Variants in REV1 observed in about 807,000 individuals in gnomAD.
REV1 encodes REV1 DNA directed polymerase.
Under a neutral mutation model 137.4 loss-of-function variants are expected in REV1, and 42 were observed. The observed-to-expected ratio is 0.31, with a 90% CI of 0.24 to 0.40. REV1 has a LOEUF of 0.40. Among genes scored for constraint, REV1 ranks in the 10% least tolerant of loss-of-function variants. The probability of loss-of-function intolerance (pLI) is 1.00; values close to 1 mark genes in which losing one functional copy is unlikely to be tolerated. For missense variants in REV1, 1,282 were observed against 1,490.1 expected (o/e 0.86, Z 2.30); for synonymous variants, 524 against 519.2 (o/e 1.01, Z -0.12).
At chr2:99,463,475 G>T (rs145115153) in intron 2 of REV1, among the ~76,000 whole-genome samples, 13 of 152,138 alleles carry the variant, frequency 8.5e-5, no homozygotes, top group Non-Finnish European at 1.8e-4. Context: ...AGCTGAGATC[G>T]TGCTATTGCA....
At chr2:99,420,708 C>T (rs1490418877) in intron 11 of REV1, among the ~76,000 whole-genome samples, 1 of 152,156 alleles carries the variant, frequency 6.6e-6, no homozygotes, top group Admixed American at 6.5e-5. Flanking sequence ...ACAAAGGAGA[C>T]AGGGAACTTT....
intron 3 of REV1, among the ~76,000 whole-genome samples, chr2:99,458,271 A>G (rs1683753016): frequency 6.6e-6 from 1 of 152,242 alleles, no homozygotes; most frequent in Admixed American, 6.5e-5. Context: ...CAATTAGAAA[A>G]TGAGGAAAAA....
At chr2:99,476,869 T>C (rs916177534) in intron 1 of REV1, among the ~76,000 whole-genome samples, 1 of 152,224 alleles carries the variant, frequency 6.6e-6, no homozygotes, top group Non-Finnish European at 1.5e-5. Flanking sequence ...TGGCAGAGGA[T>C]AACTGGAAGT....
intron 3 of REV1, among the ~76,000 whole-genome samples, chr2:99,457,931 C>T (rs1342663535): frequency 6.8e-6 from 1 of 147,738 alleles, no homozygotes; most frequent in East Asian, 2.0e-4. Context: ...ACTGGAAATC[C>T]ACAAATAAAA....
intron 13 of REV1, among the ~76,000 whole-genome samples, chr2:99,411,437 A>G (rs1311438360): frequency 4.2e-5 from 6 of 143,996 alleles, no homozygotes; most frequent in Non-Finnish European, 9.1e-5. Flanking sequence ...AGACAGTCTC[A>G]TTCTTGTCCC....
At chr2:99,406,515 C>A (rs1486406116) in intron 15 of REV1, 25 bp from the exon 16 acceptor site, 2 of 1,530,766 alleles carry the variant, frequency 1.3e-6, no homozygotes, top group Non-Finnish European at 1.8e-6. Flanking sequence ...AAAGAGTATG[C>A]TTCTAGGAAA....
At chr2:99,435,237 T>C (rs915263207) in intron 7 of REV1, among the ~76,000 whole-genome samples, 3 of 152,138 alleles carry the variant, frequency 2.0e-5, no homozygotes, top group African/African-American at 4.8e-5. Context: ...AAGGGAAGAA[T>C]TGATTCTCAG....
chr2:99,475,215 T>G (rs929158481), intron 1 of REV1, among the ~76,000 whole-genome samples: 1 of 152,246 alleles, frequency 6.6e-6, no homozygotes, highest in African/African-American at 2.4e-5. Context: ...CATACTGCTG[T>G]GTCTGGTTTC....
At chr2:99,409,264 C>G (rs1401592922) in intron 14 of REV1, among the ~76,000 whole-genome samples, 1 of 152,078 alleles carries the variant, frequency 6.6e-6, no homozygotes, top group East Asian at 1.9e-4. Context: ...ATTTATAATT[C>G]CTGCTTTCAT....
chr2:99,471,285 C>T (rs866542620), intron 1 of REV1, among the ~76,000 whole-genome samples: 70 of 152,196 alleles, frequency 4.6e-4, no homozygotes, highest in African/African-American at 1.5e-3. Context: ...AAGGTATGAT[C>T]CAACCCAGGG....
chr2:99,426,825 G>A (rs904151700), intron 9 of REV1, among the ~76,000 whole-genome samples: 2 of 152,150 alleles, frequency 1.3e-5, no homozygotes, highest in Non-Finnish European at 2.9e-5. Flanking sequence ...AAGCACAGAG[G>A]ACATATTCTG....
Position 99,489,945 on chromosome 2 carries a change from C to T in REV1, c.-139G>A, listed in dbSNP as rs1487425045. On this transcript the variant is annotated 5_prime_UTR_variant, in exon 1 of 23. Coordinates refer to ENST00000258428, the MANE Select transcript of REV1 (RefSeq NM_016316.4). ...GAGGGCCGGGGGAAGGCAGCCCCACCGCTGAGCAGCGCCGCGGTCCACGCT... is the reference window on the plus strand; with the variant it reads ...GAGGGCCGGGGGAAGGCAGCCCCACTGCTGAGCAGCGCCGCGGTCCACGCT... 6.7e-6 allele frequency: 1 copy of T among 149,866 alleles called. No homozygotes were observed. The highest frequency in any genetic ancestry group is 6.6e-5 in the Admixed American group (1 of 15,094). 9.3% of individuals were successfully genotyped at this position (149,866 alleles called of 1,614,324 possible).
chr2:99,483,034 A>T (rs867606519), intron 1 of REV1, among the ~76,000 whole-genome samples: 63 of 132,870 alleles, frequency 4.7e-4, no homozygotes, highest in South Asian at 4.6e-3. Flanking sequence ...AAAAAAAAAA[A>T]TTTTTTTTTT....
intron 1 of REV1, among the ~76,000 whole-genome samples, chr2:99,470,305 T>C (rs907639870): frequency 1.3e-5 from 2 of 152,318 alleles, no homozygotes; most frequent in South Asian, 2.1e-4. Flanking sequence ...ATGAAATTCA[T>C]TTTGAGTGGC....
chr2:99,486,966 A>AAGAGAAT lies in REV1; in HGVS notation c.-11+2844_-11+2850dup, dbSNP rs147466475. 2.8e-3 allele frequency among the ~76,000 whole-genome samples: 432 copies of AAGAGAAT among 152,312 alleles called. 2 individuals are homozygous for AAGAGAAT. The highest frequency in any genetic ancestry group is 4.5e-3 in the Non-Finnish European group (306 of 68,032). ...CCTAGTAATAAATGCTATGGAGAAA[A>AAGAGAAT]AGAGAATAAAGAATAAAAGATTATA... On this transcript the variant is annotated intron_variant, in intron 1 of 22. Coordinates refer to ENST00000258428, the MANE Select transcript of REV1 (RefSeq NM_016316.4).
chr2:99,402,617 G>C, intron 21 of REV1, 27 bp downstream of exon 21: 2 of 1,602,830 alleles, frequency 1.2e-6, no homozygotes, highest in South Asian at 1.1e-5. Flanking sequence ...TCTCAGCCTT[G>C]GGCCATCTAA....
chr2:99,415,545 G>A (rs939893398), intron 12 of REV1, among the ~76,000 whole-genome samples: 6 of 152,234 alleles, frequency 3.9e-5, no homozygotes, highest in Non-Finnish European at 8.8e-5. Context: ...CTGCAGTGAT[G>A]GAAATGTTCT....
intron 11 of REV1, among the ~76,000 whole-genome samples, chr2:99,419,333 C>A (rs896607711): frequency 5.9e-5 from 9 of 151,784 alleles, no homozygotes; most frequent in African/African-American, 1.9e-4. Flanking sequence ...CTGCCTCAGC[C>A]TCCCGAGTAG....
chr2:99,427,766 G>C lies in REV1; in HGVS notation c.1547+2074C>G, dbSNP rs1366459187. Among the ~76,000 whole-genome samples the C allele has an allele frequency of 1.3e-5, 2 of 152,006 alleles. 1 individual carries two copies. The highest frequency in any genetic ancestry group is 4.8e-5 in the African/African-American group (2 of 41,350). ...ACAATTAAGGGACAAAAATCTTACG[G>C]CTGCATTTTTTTTTTCTTCAAGTTA... On this transcript the variant is annotated intron_variant, in intron 9 of 22. Transcript: ENST00000258428.
Sources: allele counts gnomAD v4.1 joint callset (sites outside exome capture counted in the v4.1 genomes callset), GRCh38; gene constraint gnomAD v4.1.1; transcripts MANE v1.5; gene names NCBI Gene and HGNC (gene_info 2026-07-23, HGNC 2026-07-21).